MICB: variants seen among roughly 807,000 people sequenced by gnomAD.
MICB encodes MHC class I polypeptide-related sequence B.
In MICB, 27 loss-of-function variants were observed where a neutral mutation model predicts 34.3. The observed-to-expected ratio is 0.79, with a 90% CI of 0.58 to 1.08. MICB has a LOEUF of 1.08. MICB is among the 50% of genes least tolerant of loss of function. The pLI, the probability that MICB is intolerant of heterozygous loss-of-function variation, is 0.00. For synonymous variants in MICB, 153 were observed against 187.4 expected, an observed-to-expected ratio of 0.82 and a Z score of 1.50; for missense variants, 426 against 483.1, an observed-to-expected ratio of 0.88 and a Z score of 1.11.
chr6:31,498,603 G>A (rs998049600), intron 1 of MICB: 12 of 161,578 alleles, frequency 7.4e-5, no homozygotes, highest in African/African-American at 2.9e-4. Flanking sequence ...TAGTAGCTGG[G>A]ACTACAGGCG....
At chr6:31,499,008 C>T (rs1438587767) in intron 1 of MICB, among the ~76,000 whole-genome samples, 1 of 149,520 alleles carries the variant, frequency 6.7e-6, no homozygotes, top group Non-Finnish European at 1.5e-5. Flanking sequence ...GAAGTCCTGT[C>T]CTCTCCCGGA....
At chr6:31,504,706 A>G (rs904995927) in intron 1 of MICB, among the ~76,000 whole-genome samples, 19 of 152,154 alleles carry the variant, frequency 1.2e-4, no homozygotes, top group African/African-American at 4.6e-4. Context: ...TTTCTATTCT[A>G]TCTGTGCTTT....
At chr6:31,498,680 G>C (rs537267893) in intron 1 of MICB, 86 of 156,232 alleles carry the variant, frequency 5.5e-4, no homozygotes, top group African/African-American at 2.0e-3. Flanking sequence ...TGTTAGTCAG[G>C]ATGGTCTCGA....
intron 2 of MICB, 32 bp from the exon 3 acceptor site, chr6:31,506,111 G>A: frequency 6.3e-7 from 1 of 1,593,182 alleles, no homozygotes; most frequent in Non-Finnish European, 8.6e-7. Context: ...GATGGGTTCG[G>A]GAATGGAGAA....
chr6:31,498,324 C>G, intron 1 of MICB, 61 bp downstream of exon 1: 14 of 1,407,184 alleles, frequency 9.9e-6, no homozygotes, highest in Non-Finnish European at 1.3e-5. Context: ...TCCGGGGGTC[C>G]GGGTGGGTTG....
At chr6:31,499,421 C>T (rs1037816310) in intron 1 of MICB, among the ~76,000 whole-genome samples, 2 of 152,046 alleles carry the variant, frequency 1.3e-5, no homozygotes, top group East Asian at 1.9e-4. Context: ...CCCCCGCCCC[C>T]GCCACTGAAG....
intron 1 of MICB, among the ~76,000 whole-genome samples, chr6:31,500,827 G>T (rs1172811657): frequency 6.6e-6 from 1 of 152,318 alleles, no homozygotes; most frequent in Non-Finnish European, 1.5e-5. Context: ...CCATTCGTCT[G>T]TTGATGGACA....
chr6:31,506,046 G>A, intron 2 of MICB, 97 bp from the exon 3 acceptor site: 1 of 1,495,726 alleles, frequency 6.7e-7, no homozygotes, highest in Non-Finnish European at 8.9e-7. Flanking sequence ...GAGGCATGGA[G>A]GAGGGCCAGG....
upstream of MICB, among the ~76,000 whole-genome samples, chr6:31,496,221 A>G (rs1316135231): frequency 2.0e-5 from 3 of 152,236 alleles, no homozygotes. Context: ...CTTTCCAGAC[A>G]GAATTCTTAT....
chr6:31,509,777 T>G lies in MICB; in HGVS notation c.1025-5T>G. 1 of 1,608,808 alleles carries G rather than the reference T, an allele frequency of 6.2e-7. No homozygotes were observed. Among genetic ancestry groups the G allele is most frequent in the Non-Finnish European group, 8.5e-7 (1 of 1,177,210 alleles). On this transcript the variant is annotated splice_region_variant and splice_polypyrimidine_tract_variant and intron_variant, in intron 5 of 5. Transcript: ENST00000252229. ...GGAGCATTTACCCGTTTCCCTCTTC[T>G]CCAGAGCTTGTGAGCCTGCAGGTCC...
intron 5 of MICB, 98 bp from the exon 6 acceptor site, chr6:31,509,684 C>G (rs3132464): frequency 7.1e-7 from 1 of 1,403,226 alleles, no homozygotes; most frequent in Non-Finnish European, 9.5e-7. Context: ...AGAGAAAGGG[C>G]GAATCTGATT....
intron 5 of MICB, among the ~76,000 whole-genome samples, chr6:31,509,270 GC>G (rs536371632): frequency 6.6e-6 from 1 of 152,192 alleles, no homozygotes; most frequent in African/African-American, 2.4e-5. Flanking sequence ...GGCCTGCTGG[GC>G]CCCCCAGGCT....
Position 31,507,776 on chromosome 6 carries a change from T to G in MICB, c.1024+245T>G, listed in dbSNP as rs1176617175. ...GCCTCCTCCTGCTGCAAGTGAGGAG[T>G]GGGCAGCAGGGAGGGCTGTGGCACC... is the stretch of plus-strand genomic sequence containing the variant. On this transcript the variant is annotated intron_variant, in intron 5 of 5. Transcript: ENST00000252229. The surrounding 1 kb of genome is among the most constrained non-coding windows in gnomAD (Gnocchi z 6.0). Among the ~76,000 whole-genome samples the G allele has an allele frequency of 6.6e-6, 1 of 151,600 alleles. No individual in the cohort carries two copies. The highest frequency in any genetic ancestry group is 1.5e-5 in the Non-Finnish European group (1 of 67,874).
At chr6:31,497,981 A>G (rs1764758537), upstream of MICB, 4 of 332,022 alleles carry the variant, frequency 1.2e-5, no homozygotes, top group South Asian at 2.7e-5. Context: ...CGCCTTCTAA[A>G]TTTCCCCAGG....
At chr6:31,500,708 C>A (rs9267388) in intron 1 of MICB, among the ~76,000 whole-genome samples, 1 of 152,056 alleles carries the variant, frequency 6.6e-6, no homozygotes, top group East Asian at 1.9e-4. Context: ...AAGTTTGTCT[C>A]TCTGGGCCTG....
At chr6:31,497,138 G>C (rs1159099106), upstream of MICB, among the ~76,000 whole-genome samples, 2 of 152,146 alleles carry the variant, frequency 1.3e-5, no homozygotes, top group Non-Finnish European at 2.9e-5. Context: ...GAAGGGAGGG[G>C]AAAGCCTAGA....
At position 31,507,662 on chromosome 6, in the gene MICB, G is replaced by A; in HGVS notation, c.1024+131G>A. 9.0e-7 allele frequency: 1 copy of A among 1,115,434 alleles called. No individual in the cohort carries two copies. The highest frequency in any genetic ancestry group is 1.3e-6 in the Non-Finnish European group (1 of 783,710). 69.1% of individuals were successfully genotyped at this position (1,115,434 alleles called of 1,614,324 possible). ...ACAGGGGATGGAAGCTGGGGTATTTGGGAGGGGAATGGGAGCTGCATCTCC... is the reference window on the plus strand; with the variant it reads ...ACAGGGGATGGAAGCTGGGGTATTTAGGAGGGGAATGGGAGCTGCATCTCC... On this transcript the variant is annotated intron_variant, in intron 5 of 5. Transcript: ENST00000252229. This position sits in a 1 kb window ranked among gnomAD's most constrained non-coding sequence, Gnocchi z 6.0.
Position 31,507,683 on chromosome 6 carries a change from T to G in MICB, c.1024+152T>G, listed in dbSNP as rs567693124. ...ATTTGGGAGGGGAATGGGAGCTGCATCTCCATCTACACCCATAAGTGCTTC... is the reference window on the plus strand; with the variant it reads ...ATTTGGGAGGGGAATGGGAGCTGCAGCTCCATCTACACCCATAAGTGCTTC... On this transcript the variant is annotated intron_variant, in intron 5 of 5. Transcript: ENST00000252229. The surrounding 1 kb of genome is among the most constrained non-coding windows in gnomAD (Gnocchi z 6.0). The G allele has an allele frequency of 8.0e-5, 70 of 871,374 alleles. 1 individual carries two copies. In the South Asian group the frequency reaches 1.3e-3, roughly 16 times the overall value. 54.0% of individuals were successfully genotyped at this position (871,374 alleles called of 1,614,324 possible).
rs1765634448 is a variant in MICB, at chr6:31,510,928, A to G, written c.*1019A>G. On this transcript the variant is annotated 3_prime_UTR_variant, in exon 6 of 6. Coordinates refer to ENST00000252229, the MANE Select transcript of MICB (RefSeq NM_005931.5). ...CTTATGTTTTAATATATTTTAATAT[A>G]TTACATGTGCAGTAATTAGATTATC... The G allele has an allele frequency of 6.6e-6, 1 of 152,148 alleles. No homozygotes were observed. The highest frequency in any genetic ancestry group is 2.1e-4 in the South Asian group (1 of 4,820). The allele number at this position is 152,148 out of a possible 1,614,324, so 9.4% of individuals were successfully genotyped here.
Sources: allele counts gnomAD v4.1 joint callset (sites outside exome capture counted in the v4.1 genomes callset), GRCh38; gene constraint gnomAD v4.1.1; non-coding constraint Gnocchi (gnomAD v3.1); transcripts MANE v1.5; gene names NCBI Gene and HGNC (gene_info 2026-07-23, HGNC 2026-07-21).